SORCS1: variants seen among roughly 807,000 people sequenced by gnomAD.
SORCS1 encodes VPS10 domain-containing receptor SorCS1.
SORCS1 carries 60 observed loss-of-function variants against 146.1 expected under a neutral mutation model. That is an observed-to-expected ratio of 0.41 (90% CI 0.33 to 0.51). The LOEUF is 0.51. Ranked by LOEUF, SORCS1 falls within the 20% of genes least tolerant of loss-of-function variation. The probability of loss-of-function intolerance (pLI) is 0.21; values close to 1 mark genes in which losing one functional copy is unlikely to be tolerated. For synonymous variants in SORCS1, 637 were observed against 584.0 expected, an observed-to-expected ratio of 1.09 and a Z score of -1.31; for missense variants, 1,352 against 1,487.6, an observed-to-expected ratio of 0.91 and a Z score of 1.50.
intron 24 of SORCS1, among the ~76,000 whole-genome samples, chr10:106,585,073 A>C (rs558151081): frequency 6.6e-6 from 1 of 152,214 alleles, no homozygotes; most frequent in East Asian, 1.9e-4. Flanking sequence ...GTCCAAAAAA[A>C]ATTAGCCAGG....
At chr10:106,625,237 TG>T in intron 19 of SORCS1, among the ~76,000 whole-genome samples, 1 of 142,196 alleles carries the variant, frequency 7.0e-6, no homozygotes, top group East Asian at 2.4e-4. Context: ...TGTGTGTGTG[TG>T]TGTGTGTGTA....
In SORCS1 at chr10:106,960,696, C is replaced by A. The variant is rs1418844119; in HGVS notation, c.559-4116G>T. Among the ~76,000 whole-genome samples, 1 of 152,160 alleles carries A rather than the reference C, an allele frequency of 6.6e-6. No homozygotes were observed. The highest frequency in any genetic ancestry group is 1.5e-5 in the Non-Finnish European group (1 of 68,036). On this transcript the variant is annotated intron_variant, in intron 1 of 25. Transcript: ENST00000263054. The surrounding 1 kb of genome is among the most constrained non-coding windows in gnomAD (Gnocchi z 4.4). Reference sequence around the variant, plus strand: ...GATTACAGGCGTGAGCCACTGCGCCCAGCCAGTCCATACTTAGAGAGAGGA... The same window carrying A: ...GATTACAGGCGTGAGCCACTGCGCCAAGCCAGTCCATACTTAGAGAGAGGA...
At position 106,643,165 on chromosome 10, in the gene SORCS1, T is replaced by C. The variant is rs144993072; in HGVS notation, c.2475+9217A>G. On this transcript the variant is annotated intron_variant, in intron 18 of 25. Transcript: ENST00000263054. Reference sequence around the variant, plus strand: ...ATTTGTGTGATCTCAGGTAAGTTACTTGCCTTTCTGTGCCTCATATAAAAT... The same window carrying C: ...ATTTGTGTGATCTCAGGTAAGTTACCTGCCTTTCTGTGCCTCATATAAAAT... 4.0e-3 allele frequency among the ~76,000 whole-genome samples: 614 copies of C among 152,370 alleles called. 6 individuals carry two copies. The highest frequency in any genetic ancestry group is 0.014 in the African/African-American group (599 of 41,590).
intron 1 of SORCS1, among the ~76,000 whole-genome samples, chr10:107,154,950 G>C (rs1258676067): frequency 6.6e-6 from 1 of 152,108 alleles, no homozygotes; most frequent in Non-Finnish European, 1.5e-5. Flanking sequence ...TAAAGACAGA[G>C]ATAAAGTTAA....
rs1429965465 is a variant in SORCS1, at chr10:106,612,011, G to A, written c.2933C>T (p.Ser978Phe). 5 of 1,613,796 alleles carry A rather than the reference G, an allele frequency of 3.1e-6. No homozygotes were observed. In the East Asian group the frequency reaches 1.1e-4, roughly 36 times the overall value. Residue 978 changes from serine to phenylalanine, a missense_variant, in exon 22 of 26, where the codon TCT becomes TTT. This residue lies in a region of SORCS1 where 648 missense variants were observed against 793.8 expected (regional missense o/e 0.82). Coordinates refer to ENST00000263054, the MANE Select transcript of SORCS1 (RefSeq NM_052918.5). ...GTTTGGAGAAAAGGACAAGCGAAGAGACCGGAATTCCTCTGGGGATATAAC... is the reference window on the plus strand; with the variant it reads ...GTTTGGAGAAAAGGACAAGCGAAGAAACCGGAATTCCTCTGGGGATATAAC... ...KTIAVYEEFRSLRLSFSPNLD... is the reference protein window; with the variant it reads ...KTIAVYEEFRFLRLSFSPNLD...
chr10:106,806,253 A>G (rs1269645561), intron 3 of SORCS1, among the ~76,000 whole-genome samples: 2 of 150,350 alleles, frequency 1.3e-5, no homozygotes, highest in Non-Finnish European at 3.0e-5. Flanking sequence ...CTATAGTCCC[A>G]GCTACTCAGG....
At chr10:107,099,051 A>G (rs1964736624) in intron 1 of SORCS1, among the ~76,000 whole-genome samples, 2 of 152,352 alleles carry the variant, frequency 1.3e-5, no homozygotes, top group East Asian at 1.9e-4. Flanking sequence ...AGGAAGTTTC[A>G]GTTGCTCTGT....
intron 2 of SORCS1, among the ~76,000 whole-genome samples, chr10:106,889,635 C>T (rs1309057800): frequency 6.6e-6 from 1 of 152,018 alleles, no homozygotes; most frequent in East Asian, 1.9e-4. Flanking sequence ...CACAGTGGCT[C>T]ACACCTGTAA....
chr10:106,805,365 G>A (rs779479724), intron 3 of SORCS1, among the ~76,000 whole-genome samples: 1 of 152,100 alleles, frequency 6.6e-6, no homozygotes, highest in Non-Finnish European at 1.5e-5. Context: ...TATTACCTTT[G>A]GGGTCCCCAT....
intron 24 of SORCS1, among the ~76,000 whole-genome samples, chr10:106,589,894 T>A (rs909374257): frequency 1.3e-5 from 2 of 152,160 alleles, no homozygotes; most frequent in Non-Finnish European, 2.9e-5. Context: ...CAGCCTTTTT[T>A]TCATTTTCCA....
intron 1 of SORCS1, among the ~76,000 whole-genome samples, chr10:107,012,892 C>T (rs966709747): frequency 1.3e-5 from 2 of 152,188 alleles, no homozygotes; most frequent in African/African-American, 4.8e-5. Context: ...ATGAAGGATG[C>T]ATCCTAAGCT....
At chr10:107,068,864 C>G (rs552989646) in intron 1 of SORCS1, among the ~76,000 whole-genome samples, 1 of 109,630 alleles carries the variant, frequency 9.1e-6, no homozygotes, top group Non-Finnish European at 1.8e-5. Flanking sequence ...AGCGAGACTC[C>G]GTCTCAAAAA....
chr10:107,066,142 A>G (rs927566198), intron 1 of SORCS1, among the ~76,000 whole-genome samples: 8 of 152,306 alleles, frequency 5.3e-5, no homozygotes, highest in African/African-American at 1.9e-4. Flanking sequence ...TTTGCATCAA[A>G]TTAATCTACC....
chr10:107,026,201 GAAA>G (rs986262138), intron 1 of SORCS1, among the ~76,000 whole-genome samples: 3 of 152,190 alleles, frequency 2.0e-5, no homozygotes, highest in African/African-American at 7.2e-5. Context: ...ACAAGATGGA[GAAA>G]AAATGTTGTT....
chr10:107,022,143 AG>A (rs1958179170), intron 1 of SORCS1, among the ~76,000 whole-genome samples: 1 of 152,192 alleles, frequency 6.6e-6, no homozygotes, highest in Admixed American at 6.5e-5. Context: ...CGGAGGTTTC[AG>A]AACCCACAAG....
chr10:106,600,194 T>C (rs1341747545), intron 23 of SORCS1: 1 of 386,816 alleles, frequency 2.6e-6, no homozygotes, highest in Non-Finnish European at 3.5e-6. Context: ...TTTTAATTTA[T>C]AATCTCCAGG....
chr10:107,137,394 T>A (rs1393726760), intron 1 of SORCS1, among the ~76,000 whole-genome samples: 1 of 152,126 alleles, frequency 6.6e-6, no homozygotes, highest in Admixed American at 6.5e-5. Flanking sequence ...GCATCCTCCA[T>A]CCCCGACAAC....
At chr10:107,016,767 C>T (rs895728303) in intron 1 of SORCS1, among the ~76,000 whole-genome samples, 1 of 152,086 alleles carries the variant, frequency 6.6e-6, no homozygotes, top group Non-Finnish European at 1.5e-5. Context: ...AAGATATCTG[C>T]AATCCATATA....
chr10:106,655,589 T>C lies in SORCS1; in HGVS notation c.2304-3036A>G, dbSNP rs183813112. Among the ~76,000 whole-genome samples the C allele has an allele frequency of 2.6e-3, 390 of 152,306 alleles. 4 individuals carry two copies. The highest frequency in any genetic ancestry group is 9.1e-3 in the African/African-American group (380 of 41,560). ...CCTTAGGCTTTCCTGAATCCTGCAATAACAGGAGTTCTGCTTAAATCCAAA... is the reference window on the plus strand; with the variant it reads ...CCTTAGGCTTTCCTGAATCCTGCAACAACAGGAGTTCTGCTTAAATCCAAA... On this transcript the variant is annotated intron_variant, in intron 17 of 25. Transcript: ENST00000263054.
Sources: allele counts gnomAD v4.1 joint callset (sites outside exome capture counted in the v4.1 genomes callset), GRCh38; gene constraint gnomAD v4.1.1; regional missense constraint gnomAD v4.1.1; non-coding constraint Gnocchi (gnomAD v3.1); transcripts MANE v1.5; gene names NCBI Gene and HGNC (gene_info 2026-07-23, HGNC 2026-07-21).